NAA60: variants seen among roughly 807,000 people sequenced by gnomAD.
NAA60 encodes the protein N-alpha-acetyltransferase 60.
Under a neutral mutation model 26.1 loss-of-function variants are expected in NAA60, and 8 were observed. The ratio of observed to expected loss-of-function variants is 0.31; its 90% CI spans 0.18 to 0.55. The LOEUF is 0.55. Among genes scored for constraint, NAA60 ranks in the 20% least tolerant of loss-of-function variants. The pLI, the probability that NAA60 is intolerant of heterozygous loss-of-function variation, is 0.93. For synonymous variants in NAA60, 131 were observed against 122.5 expected (o/e 1.07, Z -0.46); for missense variants, 290 against 311.3 (o/e 0.93, Z 0.51).
intron 1 of NAA60, among the ~76,000 whole-genome samples, chr16:3,445,367 G>A (rs1428572630): frequency 6.6e-6 from 1 of 151,516 alleles, no homozygotes; most frequent in East Asian, 1.9e-4. Flanking sequence ...TCTGCCTCCG[G>A]GGTTCAAATG....
intron 2 of NAA60, chr16:3,457,919 CCTGCCCGCTCCCAA>C: frequency 4.7e-6 from 4 of 847,216 alleles, no homozygotes; most frequent in Non-Finnish European, 5.3e-6. Context: ...CCGCTCCCAA[CCTGCCCGCTCCCAA>C]CATGGCGGCA....
At chr16:3,445,329 A>T (rs1340252989) in intron 1 of NAA60, among the ~76,000 whole-genome samples, 1 of 143,788 alleles carries the variant, frequency 7.0e-6, no homozygotes, top group Non-Finnish European at 1.5e-5. Flanking sequence ...ACTGGGGTGC[A>T]GTGGCACAAT....
Position 3,456,044 on chromosome 16 carries a change from C to G in NAA60, c.-7+7504C>G, listed in dbSNP as rs200976355. Among the ~76,000 whole-genome samples, 14 of 127,790 alleles carry G rather than the reference C, an allele frequency of 1.1e-4. 1 individual carries two copies. 83.8% of individuals were successfully genotyped at this position (127,790 alleles called of 152,430 possible). A position where few individuals can be genotyped will look rare whatever the true frequency, so the allele number is the denominator to read the frequency against. On this transcript the variant is annotated intron_variant, in intron 2 of 7. Transcript: ENST00000407558. ...AGTTTGAAGGGATGTACATGCTGTT[C>G]TGTTTGCCAGTTCATCTTAACGGTG...
At chr16:3,474,653 G>A (rs2036363478) in intron 2 of NAA60, among the ~76,000 whole-genome samples, 1 of 152,226 alleles carries the variant, frequency 6.6e-6, no homozygotes, top group African/African-American at 2.4e-5. Context: ...AAAAGACGAG[G>A]TCTTTCCTGG....
intron 2 of NAA60, chr16:3,450,109 T>A (rs2034717699): frequency 2.6e-6 from 1 of 391,268 alleles, no homozygotes; most frequent in African/African-American, 2.1e-5. Flanking sequence ...AATATTTGGC[T>A]CCTGACTGAA....
At chr16:3,478,079 T>C (rs2036595659) in intron 3 of NAA60, among the ~76,000 whole-genome samples, 1 of 133,346 alleles carries the variant, frequency 7.5e-6, no homozygotes, top group African/African-American at 2.9e-5. Context: ...ATAATAATAA[T>C]AATAATAATA....
chr16:3,443,783 GGACAGAAAGAA>G lies in NAA60; in HGVS notation c.-127_-117del. 1 of 1,534,350 alleles carries G rather than the reference GGACAGAAAGAA, an allele frequency of 6.5e-7. No individual in the cohort carries two copies. Among genetic ancestry groups the G allele is most frequent in the Non-Finnish European group, 8.7e-7 (1 of 1,146,190 alleles). ...GGGGACGTAATGTTTCCGAGAAGAA[GGACAGAAAGAA>G]GACTGGGAGACACCGGAACTCGAAA... is the stretch of plus-strand genomic sequence containing the variant. On this transcript the variant is annotated 5_prime_UTR_variant, in exon 1 of 8. An upstream open reading frame in the 5' UTR gains an earlier in-frame stop. Coordinates refer to ENST00000407558, the MANE Select transcript of NAA60 (RefSeq NM_001083601.3).
At chr16:3,447,538 C>A in intron 1 of NAA60, 1 of 985,354 alleles carries the variant, frequency 1.0e-6, no homozygotes, top group Non-Finnish European at 1.2e-6. Flanking sequence ...TGGTTCTTAC[C>A]GCCTTTACCG....
chr16:3,446,955 G>C (rs1257549262), intron 1 of NAA60, among the ~76,000 whole-genome samples: 1 of 151,698 alleles, frequency 6.6e-6, no homozygotes, highest in Non-Finnish European at 1.5e-5. Flanking sequence ...AATTCTTCTG[G>C]CTCAGCCTCC....
intron 2 of NAA60, among the ~76,000 whole-genome samples, chr16:3,474,053 G>A (rs1157928419): frequency 6.7e-6 from 1 of 149,808 alleles, no homozygotes; most frequent in Admixed American, 6.6e-5. Flanking sequence ...AGGGTCTGGA[G>A]TCAACAGTGC....
In NAA60 at chr16:3,485,797, G is replaced by T; in HGVS notation, c.*537G>T. 2.5e-6 allele frequency: 1 copy of T among 398,906 alleles called. No individual in the cohort carries two copies. The highest frequency in any genetic ancestry group is 5.1e-6 in the Non-Finnish European group (1 of 197,180). 24.7% of individuals were successfully genotyped at this position (398,906 alleles called of 1,614,324 possible). On this transcript the variant is annotated 3_prime_UTR_variant, in exon 8 of 8. Transcript: ENST00000407558. ...AAAGAAGCCTGGGGGGTGAGGAGTG[G>T]CCCCCACTCCTCCATGAGGGGCTGA...
At position 3,479,507 on chromosome 16, in the gene NAA60, C is replaced by G; in HGVS notation, c.147C>G (p.Asn49Lys). ...PDSWYRDITS[N>K]KKFFSLAATY... is the part of the protein sequence containing the mutation. ...CATGGTATCGTGATATCACATCCAACAAGAAGTTCTTTTCCCTTGCTGCAA... is the reference window on the plus strand; with the variant it reads ...CATGGTATCGTGATATCACATCCAAGAAGAAGTTCTTTTCCCTTGCTGCAA... Residue 49 changes from asparagine to lysine, a missense_variant, in exon 4 of 8, where the codon AAC becomes AAG. Transcript: ENST00000407558. The G allele has an allele frequency of 1.2e-6, 2 of 1,614,008 alleles. No individual in the cohort carries two copies. The highest frequency in any genetic ancestry group is 8.5e-7 in the Non-Finnish European group (1 of 1,179,880).
rs541377148 is a variant in NAA60, at chr16:3,451,709, G to A, written c.-7+3169G>A. Among the ~76,000 whole-genome samples the A allele has an allele frequency of 2.0e-5, 3 of 152,172 alleles. No individual in the cohort carries two copies. The East Asian group carries it at 5.8e-4, about 29-fold the overall frequency. On this transcript the variant is annotated intron_variant, in intron 2 of 7. Transcript: ENST00000407558. Reference sequence around the variant, plus strand: ...AAGGTGGGTGGATCACCTAAGCTCAGGAGTTGGAGACCAGCCTGGGCAACA... The same window carrying A: ...AAGGTGGGTGGATCACCTAAGCTCAAGAGTTGGAGACCAGCCTGGGCAACA...
At chr16:3,461,593 G>T (rs1375166229) in intron 2 of NAA60, among the ~76,000 whole-genome samples, 1 of 152,104 alleles carries the variant, frequency 6.6e-6, no homozygotes, top group Non-Finnish European at 1.5e-5. Context: ...TATCCATTTT[G>T]CCCCAAAATG....
intron 2 of NAA60, among the ~76,000 whole-genome samples, chr16:3,454,547 AATAG>A (rs1673239346): frequency 6.6e-6 from 1 of 152,228 alleles, no homozygotes; most frequent in Non-Finnish European, 1.5e-5. Flanking sequence ...TCAGAAGTTT[AATAG>A]ATAAACTGAA....
At chr16:3,444,922 A>T (rs554783576) in intron 1 of NAA60, among the ~76,000 whole-genome samples, 3 of 152,232 alleles carry the variant, frequency 2.0e-5, no homozygotes, top group African/African-American at 7.2e-5. Flanking sequence ...TTGATAATCT[A>T]CCTGCACAAA....
At chr16:3,456,442 CTT>C (rs577299558) in intron 2 of NAA60, among the ~76,000 whole-genome samples, 2 of 147,570 alleles carry the variant, frequency 1.4e-5, no homozygotes, top group African/African-American at 2.5e-5. Context: ...GAGCAATTTC[CTT>C]TTTTTTTTTA....
chr16:3,462,100 A>AAAAAAC (rs1555486005), intron 2 of NAA60, among the ~76,000 whole-genome samples: 2 of 151,668 alleles, frequency 1.3e-5, no homozygotes, highest in African/African-American at 4.8e-5. Context: ...AAAAAAAAAA[A>AAAAAAC]AAAAACCTTT....
intron 2 of NAA60, among the ~76,000 whole-genome samples, chr16:3,459,892 A>G (rs187704769): frequency 2.0e-5 from 3 of 152,314 alleles, no homozygotes; most frequent in Admixed American, 6.5e-5. Context: ...TGGGTTGCTT[A>G]GCAACAGCAT....
Sources: gnomAD v4.1 joint callset for allele counts (sites outside exome capture counted in the v4.1 genomes callset) on GRCh38, gnomAD v4.1.1 for gene constraint, MANE v1.5 for transcripts, NCBI Gene and HGNC (gene_info 2026-07-23, HGNC 2026-07-21) for gene names.